Variants in KCTD5 observed in about 807,000 individuals in gnomAD.
KCTD5 encodes potassium channel tetramerization domain containing 5, also known as BTB/POZ domain-containing protein KCTD5.
A neutral mutation model predicts 27.9 loss-of-function variants in KCTD5; 12 were observed. The ratio of observed to expected loss-of-function variants is 0.43; its 90% CI spans 0.28 to 0.70. The LOEUF (loss-of-function observed/expected upper bound fraction) is 0.70. Among genes scored for constraint, KCTD5 ranks in the 30% least tolerant of loss-of-function variants. KCTD5 has a pLI of 0.19. For missense variants in KCTD5, 226 were observed against 274.8 expected (o/e 0.82, Z 1.26); for synonymous variants, 147 against 121.4 (o/e 1.21, Z -1.39).
chr16:2,707,394 C>G lies in KCTD5; in HGVS notation c.*67C>G, dbSNP rs759299918. 1 of 1,500,430 alleles carries G rather than the reference C, an allele frequency of 6.7e-7. No homozygotes were observed. The highest frequency in any genetic ancestry group is 9.3e-7 in the Non-Finnish European group (1 of 1,076,256). 92.9% of individuals were successfully genotyped at this position (1,500,430 alleles called of 1,614,324 possible). Reference sequence around the variant, plus strand: ...CCGAGATGTAATGAACTGCCATGTCCAGGAAGCTTGGCTGTGAGAAGAAAC... The same window carrying G: ...CCGAGATGTAATGAACTGCCATGTCGAGGAAGCTTGGCTGTGAGAAGAAAC... On this transcript the variant is annotated 3_prime_UTR_variant, in exon 6 of 6. Transcript: ENST00000301738.
chr16:2,691,675 G>A (rs928944749), intron 1 of KCTD5, among the ~76,000 whole-genome samples: 1 of 152,162 alleles, frequency 6.6e-6, no homozygotes, highest in Admixed American at 6.5e-5. Flanking sequence ...GGGCGGCGGG[G>A]GTGTGGAGCG....
At chr16:2,701,406 G>A (rs1489079057) in intron 4 of KCTD5, among the ~76,000 whole-genome samples, 1 of 152,190 alleles carries the variant, frequency 6.6e-6, no homozygotes, top group Admixed American at 6.5e-5. Context: ...GGTCCCCAGT[G>A]GTCAGCAGGG....
At chr16:2,688,247 T>TATA (rs1567193128) in intron 1 of KCTD5, among the ~76,000 whole-genome samples, 231 of 106,046 alleles carry the variant, frequency 2.2e-3, no homozygotes, top group Middle Eastern at 8.8e-3. Context: ...ATATATATAT[T>TATA]TATTTATTTA....
chr16:2,687,134 G>C (rs1048922832), intron 1 of KCTD5, among the ~76,000 whole-genome samples: 1 of 152,208 alleles, frequency 6.6e-6, no homozygotes, highest in Non-Finnish European at 1.5e-5. Flanking sequence ...GCAAACCTGT[G>C]CTCACCTCTT....
At chr16:2,685,406 G>A (rs921756678) in intron 1 of KCTD5, among the ~76,000 whole-genome samples, 13 of 151,810 alleles carry the variant, frequency 8.6e-5, no homozygotes, top group Non-Finnish European at 1.6e-4. Context: ...CAGCATGGGC[G>A]ACAGATCGAG....
chr16:2,684,597 C>T (rs1596218805), intron 1 of KCTD5: 1 of 148,672 alleles, frequency 6.7e-6, no homozygotes, highest in African/African-American at 2.5e-5. Context: ...AACTCTGTCT[C>T]TACTAAAAAT....
chr16:2,699,486 A>T (rs1348447953), intron 3 of KCTD5, among the ~76,000 whole-genome samples: 2 of 152,232 alleles, frequency 1.3e-5, no homozygotes, highest in Non-Finnish European at 2.9e-5. Context: ...CGATGAATTC[A>T]GGGCTGCACG....
rs529512863 is a variant in KCTD5, at chr16:2,697,369, C to T, written c.362-537C>T. 12 of 154,292 alleles carry T rather than the reference C, an allele frequency of 7.8e-5. No homozygotes were observed. In the South Asian group the frequency reaches 2.4e-3, roughly 31 times the overall value. The allele number at this position is 154,292 out of a possible 1,614,324, so 9.6% of individuals were successfully genotyped here. A position where few individuals can be genotyped will look rare whatever the true frequency, so the allele number is the denominator to read the frequency against. ...AGTCTTTGGGAAGAGCTGGAAGTGA[C>T]CCTCTCAGCCAGCCACAGTCTTCCC... On this transcript the variant is annotated intron_variant, in intron 2 of 5. Coordinates refer to ENST00000301738, the MANE Select transcript of KCTD5 (RefSeq NM_018992.4).
At position 2,707,123 on chromosome 16, in the gene KCTD5, C is replaced by T. The variant is rs138257430; in HGVS notation, c.676-175C>T. ...GGGCCTGGAGATGTGCCAGACACCC[C>T]GGTGAAGGTCCTGGGCCTGCCAGCT... is the stretch of plus-strand genomic sequence containing the variant. On this transcript the variant is annotated intron_variant, in intron 5 of 5. Coordinates refer to ENST00000301738, the MANE Select transcript of KCTD5 (RefSeq NM_018992.4). Among the ~76,000 whole-genome samples, 11 of 152,152 alleles carry T rather than the reference C, an allele frequency of 7.2e-5. No individual in the cohort carries two copies. In the East Asian group the frequency reaches 1.4e-3, roughly 19 times the overall value.
At chr16:2,688,425 A>G (rs2142052402) in intron 1 of KCTD5, among the ~76,000 whole-genome samples, 1 of 151,696 alleles carries the variant, frequency 6.6e-6, no homozygotes, top group East Asian at 1.9e-4. Flanking sequence ...TGATTTTTGT[A>G]TAGTCAGTAG....
At chr16:2,701,630 A>G (rs1461023533) in intron 4 of KCTD5, among the ~76,000 whole-genome samples, 1 of 150,538 alleles carries the variant, frequency 6.6e-6, no homozygotes, top group East Asian at 1.9e-4. Context: ...CCGTTGGTCC[A>G]ACTGCGCAGG....
chr16:2,707,124 G>A (rs773810770), intron 5 of KCTD5, among the ~76,000 whole-genome samples, 174 bp from the exon 6 acceptor site: 22 of 152,122 alleles, frequency 1.4e-4, no homozygotes, highest in Admixed American at 4.6e-4. Flanking sequence ...CAGACACCCC[G>A]GTGAAGGTCC....
rs367644972 is a variant in KCTD5 at position 2,702,310 on chromosome 16, T to C, written c.550-43T>C. On this transcript the variant is annotated intron_variant, in intron 4 of 5. Coordinates refer to ENST00000301738, the MANE Select transcript of KCTD5 (RefSeq NM_018992.4). ...GGTCATGTCAGCCTGGCTGGGTCTC[T>C]CAGGCTTCACTGGGCTGCGTCTCAG... The C allele has an allele frequency of 2.7e-5, 44 of 1,610,776 alleles. No homozygotes were observed. In the African/African-American group the frequency reaches 4.8e-4, roughly 18 times the overall value.
At chr16:2,698,076 C>A in intron 3 of KCTD5, 79 bp downstream of exon 3, 1 of 1,045,128 alleles carries the variant, frequency 9.6e-7, no homozygotes, top group South Asian at 1.4e-5. Flanking sequence ...CGACCGGCTG[C>A]CTCCCAAATA....
intron 4 of KCTD5, among the ~76,000 whole-genome samples, chr16:2,700,444 G>A (rs2067606416): frequency 6.6e-6 from 1 of 152,240 alleles, no homozygotes; most frequent in East Asian, 1.9e-4. Flanking sequence ...TTCTTCAGCA[G>A]CTTCCACGGA....
intron 5 of KCTD5, among the ~76,000 whole-genome samples, chr16:2,705,288 C>T (rs1372304973): frequency 1.3e-5 from 2 of 152,102 alleles, no homozygotes; most frequent in South Asian, 4.1e-4. Context: ...TGACGAGAGC[C>T]GTCCGCACTC....
At chr16:2,699,052 C>A in intron 3 of KCTD5, 1 of 443,378 alleles carries the variant, frequency 2.3e-6, no homozygotes. Flanking sequence ...GACCTCGAGG[C>A]CACTGTGTGC....
intron 1 of KCTD5, among the ~76,000 whole-genome samples, chr16:2,689,905 A>G (rs1424488457): frequency 6.6e-6 from 1 of 152,090 alleles, no homozygotes; most frequent in Non-Finnish European, 1.5e-5. Flanking sequence ...TGAACTCCTC[A>G]CCTCAGGTAA....
chr16:2,702,622 C>G, intron 5 of KCTD5, 144 bp downstream of exon 5: 1 of 1,145,204 alleles, frequency 8.7e-7, no homozygotes, highest in Non-Finnish European at 1.2e-6. Flanking sequence ...GACACACGGT[C>G]TCCCGTGGGA....
Sources: gnomAD v4.1 joint callset for allele counts (sites outside exome capture counted in the v4.1 genomes callset) on GRCh38, gnomAD v4.1.1 for gene constraint, MANE v1.5 for transcripts, NCBI Gene and HGNC (gene_info 2026-07-23, HGNC 2026-07-21) for gene names.